PIR: variants seen among roughly 807,000 people sequenced by gnomAD.
PIR encodes pirin (iron-binding nuclear protein).
In PIR, 22 loss-of-function variants were observed where a neutral mutation model predicts 24.2. The ratio of observed to expected loss-of-function variants is 0.91; its 90% confidence interval spans 0.65 to 1.30. The LOEUF (loss-of-function observed/expected upper bound fraction) is 1.30, where lower values mean the gene tolerates loss of function less well. Among genes scored for constraint, PIR ranks in the 50% most tolerant of loss-of-function variants. The pLI, the probability that PIR is intolerant of heterozygous loss-of-function variation, is 0.00. For missense variants in PIR, 220 were observed against 220.3 expected (o/e 1.00, Z 0.01); for synonymous variants, 80 against 79.6 (o/e 1.00, Z -0.03).
intron 4 of PIR, among the ~76,000 whole-genome samples, chrX:15,457,981 G>GA (rs1172233677): frequency 8.9e-6 from 1 of 112,266 alleles, no homozygotes; most frequent in African/African-American, 3.2e-5. Context: ...GCCCTTTATA[G>GA]AAAAAATTTG....
In PIR at chrX:15,466,619, G is replaced by A. The variant is rs559914036; in HGVS notation, c.190-6879C>T. On this transcript the variant is annotated intron_variant, in intron 3 of 9. Coordinates refer to ENST00000380420, the MANE Select transcript of PIR (RefSeq NM_001018109.3). ...CATAGACCTGGGAGGTGAGCTCTCC[G>A]AGAGTGGTAAGGACTAAGTGAGTAA... Among the ~76,000 whole-genome samples, 39 of 112,190 alleles carry A rather than the reference G, an allele frequency of 3.5e-4. No individual in the cohort carries two copies. The South Asian group carries it at 0.014, about 40-fold the overall frequency.
chrX:15,490,254 G>A (rs1395921821), intron 2 of PIR, among the ~76,000 whole-genome samples: 2 of 111,312 alleles, frequency 1.8e-5, no homozygotes, highest in Non-Finnish European at 3.8e-5. Flanking sequence ...CACTCATTGA[G>A]GAAGGCCAGG....
At chrX:15,482,340 T>C (rs1211180792) in intron 2 of PIR, among the ~76,000 whole-genome samples, 1 of 112,083 alleles carries the variant, frequency 8.9e-6, no homozygotes, top group Admixed American at 9.5e-5. Context: ...TGATTTTACA[T>C]AGATTGCTTT....
chrX:15,465,607 C>CAAGT (rs1921532272), intron 3 of PIR, among the ~76,000 whole-genome samples: 1 of 112,207 alleles, frequency 8.9e-6, no homozygotes. Context: ...AAGCACTTGA[C>CAAGT]GTGCTTCTTG....
At chrX:15,478,997 C>T (rs1046942946) in intron 3 of PIR, among the ~76,000 whole-genome samples, 4 of 112,232 alleles carry the variant, frequency 3.6e-5, no homozygotes, top group African/African-American at 9.7e-5. Flanking sequence ...TAGGAAGTAA[C>T]GATCCCTGAG....
intron 5 of PIR, among the ~76,000 whole-genome samples, chrX:15,450,871 A>T (rs1046778814): frequency 4.5e-5 from 5 of 111,875 alleles, no homozygotes; most frequent in East Asian, 2.8e-4. Context: ...AGCCCCTAAA[A>T]GTCTCTTGGA....
At chrX:15,394,584 G>A (rs1261443793) in intron 8 of PIR, among the ~76,000 whole-genome samples, 1 of 111,158 alleles carries the variant, frequency 9.0e-6, no homozygotes, top group African/African-American at 3.3e-5. Flanking sequence ...TAAGCCTAAG[G>A]GTGAGATGGA....
At chrX:15,417,100 C>T (rs920228968) in intron 6 of PIR, among the ~76,000 whole-genome samples, 11 of 110,291 alleles carry the variant, frequency 1.0e-4, no homozygotes, top group Middle Eastern at 4.6e-3. Context: ...TAGGCCCGCA[C>T]GACCATGCCT....
intron 6 of PIR, among the ~76,000 whole-genome samples, chrX:15,420,011 A>T (rs1401287196): frequency 4.5e-5 from 5 of 111,299 alleles, no homozygotes; most frequent in Non-Finnish European, 7.5e-5. Flanking sequence ...AGCCTGGGCA[A>T]CATGGTCAAA....
intron 6 of PIR, among the ~76,000 whole-genome samples, chrX:15,421,858 C>A (rs1375051939): frequency 9.0e-6 from 1 of 111,345 alleles, no homozygotes; most frequent in Non-Finnish European, 1.9e-5. Context: ...AACCACAAGT[C>A]AATATTGCTG....
At chrX:15,487,073 G>A (rs965011304) in intron 2 of PIR, among the ~76,000 whole-genome samples, 2 of 111,383 alleles carry the variant, frequency 1.8e-5, no homozygotes, top group Admixed American at 9.5e-5. Context: ...GGGTTTACTC[G>A]GCCTCTAGAC....
At chrX:15,388,361 G>A (rs1373431446) in intron 9 of PIR, among the ~76,000 whole-genome samples, 3 of 111,923 alleles carry the variant, frequency 2.7e-5, no homozygotes, top group Non-Finnish European at 5.6e-5. Flanking sequence ...TGGACGACCA[G>A]CATGGTAAGA....
At chrX:15,404,299 C>T (rs759500579) in intron 7 of PIR, among the ~76,000 whole-genome samples, 6 of 112,322 alleles carry the variant, frequency 5.3e-5, no homozygotes, top group Non-Finnish European at 7.5e-5. Flanking sequence ...CCATGCCCGG[C>T]TGTGGAGCAT....
chrX:15,402,931 T>C (rs1170113868), intron 7 of PIR, among the ~76,000 whole-genome samples: 1 of 112,356 alleles, frequency 8.9e-6, no homozygotes, highest in Non-Finnish European at 1.9e-5. Context: ...ATTTCAATTA[T>C]TGGTGCAACT....
intron 5 of PIR, among the ~76,000 whole-genome samples, chrX:15,454,601 T>C (rs1445794365): frequency 1.8e-5 from 2 of 111,693 alleles, no homozygotes; most frequent in Middle Eastern, 4.3e-3. Flanking sequence ...ATGCATCCCA[T>C]TGAGTGGTTG....
intron 2 of PIR, among the ~76,000 whole-genome samples, chrX:15,490,217 AT>A (rs1350648843): frequency 5.3e-5 from 6 of 112,184 alleles, no homozygotes; most frequent in Non-Finnish European, 9.4e-5. Flanking sequence ...AACTAAAAAA[AT>A]TGAACCCATC....
In PIR at chrX:15,434,194, AAAG is replaced by A. The variant is rs202225016; in HGVS notation, c.481-8207_481-8205del. ...AAGAAGAAGGAGGAGAAGGAAGGAG[AAAG>A]AAGAAGGAGGAGGAGAAAGAAGAAG... is the stretch of plus-strand genomic sequence containing the variant. On this transcript the variant is annotated intron_variant, in intron 5 of 9. Transcript: ENST00000380420. Among the ~76,000 whole-genome samples, 860 of 90,138 alleles carry A rather than the reference AAAG, an allele frequency of 9.5e-3. 11 individuals carry two copies. The highest frequency in any genetic ancestry group is 0.03 in the African/African-American group (708 of 23,653). 78.3% of individuals were successfully genotyped at this position (90,138 alleles called of 115,157 possible).
chrX:15,460,567 G>A (rs1021130570), intron 3 of PIR, among the ~76,000 whole-genome samples: 1 of 111,680 alleles, frequency 9.0e-6, no homozygotes, highest in African/African-American at 3.3e-5. Flanking sequence ...GGGAACATGG[G>A]AAGATGTTGA....
At chrX:15,445,940 C>T (rs774131869) in intron 5 of PIR, among the ~76,000 whole-genome samples, 1 of 104,173 alleles carries the variant, frequency 9.6e-6, no homozygotes, top group Admixed American at 1.0e-4. Context: ...CGCCATTCTC[C>T]TGCCTCAGCC....
Sources: gnomAD v4.1 joint callset for allele counts (sites outside exome capture counted in the v4.1 genomes callset) on GRCh38, gnomAD v4.1.1 for gene constraint, MANE v1.5 for transcripts, NCBI Gene and HGNC (gene_info 2026-07-23, HGNC 2026-07-21) for gene names.